The following PAPPA variants were observed in gnomAD, a reference collection of about 807,000 sequenced individuals.
The protein encoded by PAPPA is pappalysin-1.
PAPPA carries 60 observed loss-of-function variants against 164.0 expected under a neutral mutation model. That is an observed-to-expected ratio of 0.37 (90% CI 0.30 to 0.45). The LOEUF is 0.45. Ranked by LOEUF, PAPPA falls within the 20% of genes least tolerant of loss-of-function variation. PAPPA has a pLI of 1.00. For synonymous variants in PAPPA, 875 were observed against 814.1 expected, an observed-to-expected ratio of 1.07 and a Z score of -1.27; for missense variants, 1,782 against 2,087.3, an observed-to-expected ratio of 0.85 and a Z score of 2.85.
chr9:116,391,468 A>G lies in PAPPA; in HGVS notation c.4777-5041A>G, dbSNP rs1042148782. 2.0e-5 allele frequency among the ~76,000 whole-genome samples: 3 copies of G among 152,110 alleles called. No individual in the cohort carries two copies. The East Asian group carries it at 5.8e-4, about 29-fold the overall frequency. ...TCCCTCTCCAACCGGCACCCCCACC[A>G]TGCTCTGCTAGTTACCTCCCTGTGG... On this transcript the variant is annotated intron_variant, in intron 21 of 21. Transcript: ENST00000328252.
chr9:116,398,946 G>C lies in PAPPA; in HGVS notation c.*2330G>C, dbSNP rs1009143706. ...CTCTCTTGCCCTGAGTTATCAGCCT[G>C]TGTGGTGTTAACTACCTTAGAAGGT... On this transcript the variant is annotated 3_prime_UTR_variant, in exon 22 of 22. Transcript: ENST00000328252. 3.1e-5 allele frequency: 10 copies of C among 325,666 alleles called. No individual in the cohort carries two copies. The highest frequency in any genetic ancestry group is 5.4e-5 in the Non-Finnish European group (9 of 167,010). 20.2% of individuals were successfully genotyped at this position (325,666 alleles called of 1,614,324 possible). A position where few individuals can be genotyped will look rare whatever the true frequency, so the allele number is the denominator to read the frequency against.
At chr9:116,156,010 T>C (rs1843597260) in intron 1 of PAPPA, among the ~76,000 whole-genome samples, 1 of 151,860 alleles carries the variant, frequency 6.6e-6, no homozygotes, top group Non-Finnish European at 1.5e-5. Context: ...GGAAACGTTA[T>C]CCATAATAAT....
intron 1 of PAPPA, among the ~76,000 whole-genome samples, chr9:116,177,860 C>T (rs1046405128): frequency 6.6e-6 from 1 of 152,122 alleles, no homozygotes; most frequent in Non-Finnish European, 1.5e-5. Flanking sequence ...TGACCCCATC[C>T]CCCACCTCTT....
chr9:116,323,323 G>A (rs980121259), intron 10 of PAPPA, among the ~76,000 whole-genome samples: 16 of 152,204 alleles, frequency 1.1e-4, no homozygotes, highest in East Asian at 1.9e-4. Flanking sequence ...GACCTGGAAC[G>A]CCTAGTCACC....
intron 19 of PAPPA, among the ~76,000 whole-genome samples, chr9:116,375,749 C>A (rs1846640839): frequency 6.6e-6 from 1 of 152,118 alleles, no homozygotes; most frequent in Non-Finnish European, 1.5e-5. Context: ...TAGGTCTGCC[C>A]TCAGGGAGAG....
chr9:116,363,834 T>C (rs1479075139), intron 18 of PAPPA, among the ~76,000 whole-genome samples: 3 of 152,206 alleles, frequency 2.0e-5, no homozygotes. Flanking sequence ...CCATCCTTTT[T>C]TGAAGATGAA....
rs185186549 is a variant in PAPPA, at chr9:116,178,244, T to C, written c.416-8910T>C. On this transcript the variant is annotated intron_variant, in intron 1 of 21. Transcript: ENST00000328252. ...GCCTTAGCCTCCTGAGTAGCTGGGA[T>C]TACAGGCACACATCACCATGCCCAG... 2.8e-4 allele frequency among the ~76,000 whole-genome samples: 43 copies of C among 152,178 alleles called. 1 individual carries two copies. Among genetic ancestry groups the C allele is most frequent in the Admixed American group, 2.6e-3 (40 of 15,294 alleles).
intron 20 of PAPPA, among the ~76,000 whole-genome samples, chr9:116,379,445 A>T (rs1846698192): frequency 6.6e-6 from 1 of 152,170 alleles, no homozygotes; most frequent in African/African-American, 2.4e-5. Flanking sequence ...CTTATATGCC[A>T]GATACTGTTC....
intron 7 of PAPPA, among the ~76,000 whole-genome samples, chr9:116,255,011 C>T (rs184906521): frequency 6.6e-6 from 1 of 151,820 alleles, no homozygotes; most frequent in Non-Finnish European, 1.5e-5. Context: ...AGTCAGCTTC[C>T]ATTCTAAAGA....
At position 116,400,382 on chromosome 9, in the gene PAPPA, C is replaced by G. The variant is rs1847033216; in HGVS notation, c.*3766C>G. The G allele has an allele frequency of 6.6e-6, 1 of 151,924 alleles. No individual in the cohort carries two copies. Among genetic ancestry groups the G allele is most frequent in the Non-Finnish European group, 1.5e-5 (1 of 68,000 alleles). The allele number at this position is 151,924 out of a possible 1,614,324, so 9.4% of individuals were successfully genotyped here. A position where few individuals can be genotyped will look rare whatever the true frequency, so the allele number is the denominator to read the frequency against. Reference sequence around the variant, plus strand: ...AGGTCCAGGAAATATGACATTTTCCCCCTTGATGTGTTATTGTTGTTGTTG... The same window carrying G: ...AGGTCCAGGAAATATGACATTTTCCGCCTTGATGTGTTATTGTTGTTGTTG... On this transcript the variant is annotated 3_prime_UTR_variant, in exon 22 of 22. Transcript: ENST00000328252.
rs1184146528 is a variant in PAPPA at position 116,377,601 on chromosome 9, A to G, written c.4631A>G (p.Lys1544Arg). ...AGAGTTGTCTGCACTGCTGGTCTCA[A>G]GTGGTATCCTCACCCTGCTCTGATT... ...VERVVCTAGL[K>R]WYPHPALIHC... Residue 1544 changes from lysine to arginine, a missense_variant, in exon 20 of 22, where the codon AAG becomes AGG. Around this residue, in one of 2 missense-constraint regions of PAPPA, gnomAD observed 1,324 missense variants for 1,656.9 expected, o/e 0.80. Coordinates refer to ENST00000328252, the MANE Select transcript of PAPPA (RefSeq NM_002581.5). 12 of 1,613,784 alleles carry G rather than the reference A, an allele frequency of 7.4e-6. No homozygotes were observed. Among genetic ancestry groups the G allele is most frequent in the African/African-American group, 1.3e-5 (1 of 74,908 alleles).
At chr9:116,365,069 T>A (rs970653034) in intron 18 of PAPPA, among the ~76,000 whole-genome samples, 4 of 152,180 alleles carry the variant, frequency 2.6e-5, no homozygotes, top group Non-Finnish European at 4.4e-5. Flanking sequence ...CCCAGCTGTA[T>A]CCTCGCTTTC....
chr9:116,395,411 G>C (rs1846949844), intron 21 of PAPPA, among the ~76,000 whole-genome samples: 1 of 152,220 alleles, frequency 6.6e-6, no homozygotes, highest in South Asian at 2.1e-4. Flanking sequence ...TGACCACTTG[G>C]AGACCCTGCC....
At chr9:116,299,393 C>T (rs1845550832) in intron 9 of PAPPA, among the ~76,000 whole-genome samples, 1 of 152,116 alleles carries the variant, frequency 6.6e-6, no homozygotes, top group Non-Finnish European at 1.5e-5. Context: ...TTCTCAGGTT[C>T]TGCTGATTCC....
chr9:116,194,894 G>A (rs973718071), intron 2 of PAPPA, among the ~76,000 whole-genome samples: 6 of 152,042 alleles, frequency 3.9e-5, no homozygotes, highest in African/African-American at 7.3e-5. Flanking sequence ...GATTATTTTC[G>A]TTCTCAAAAT....
Position 116,369,024 on chromosome 9 carries a change from TCTCA to T in PAPPA, c.4605+1273_4605+1276del, listed in dbSNP as rs545806228. On this transcript the variant is annotated intron_variant, in intron 19 of 21. Transcript: ENST00000328252. The stretch of plus-strand genomic sequence containing the variant: ...GTCTCTTTTTCTGTCTTCATCTTAC[TCTCA>T]CTAATTTTTTTCCTATCTCTGTTTT... Among the ~76,000 whole-genome samples, 8 of 152,226 alleles carry T rather than the reference TCTCA, an allele frequency of 5.3e-5. No individual in the cohort carries two copies. In the East Asian group the frequency reaches 7.7e-4, roughly 15 times the overall value.
intron 20 of PAPPA, among the ~76,000 whole-genome samples, chr9:116,377,857 T>G (rs989004847): frequency 6.6e-6 from 1 of 151,954 alleles, no homozygotes; most frequent in Admixed American, 6.5e-5. Context: ...CTAAAAAGCA[T>G]AGGGAATGGG....
At chr9:116,189,644 G>A (rs1403877870) in intron 2 of PAPPA, among the ~76,000 whole-genome samples, 1 of 152,180 alleles carries the variant, frequency 6.6e-6, no homozygotes, top group African/African-American at 2.4e-5. Flanking sequence ...GGGACCTGGA[G>A]GAACTAGATT....
chr9:116,211,382 C>T (rs1844304955), intron 3 of PAPPA, among the ~76,000 whole-genome samples: 1 of 152,128 alleles, frequency 6.6e-6, no homozygotes, highest in South Asian at 2.1e-4. Context: ...GGGTAAGTCC[C>T]TTCACCTCTT....
Sources: gnomAD v4.1 joint callset for allele counts (sites outside exome capture counted in the v4.1 genomes callset) on GRCh38, gnomAD v4.1.1 for gene constraint, gnomAD v4.1.1 regional missense constraint, MANE v1.5 for transcripts, NCBI Gene and HGNC (gene_info 2026-07-23, HGNC 2026-07-21) for gene names.